Variants in KCNK13 observed in about 807,000 individuals in gnomAD.
KCNK13 encodes potassium channel subfamily K member 13.
KCNK13 carries 12 observed loss-of-function variants against 23.4 expected under a neutral mutation model. The ratio of observed to expected loss-of-function variants is 0.51; its 90% CI spans 0.33 to 0.83. The LOEUF (loss-of-function observed/expected upper bound fraction) is 0.83. Among genes scored for constraint, KCNK13 ranks in the 40% least tolerant of loss-of-function variants. The pLI, the probability that KCNK13 is intolerant of heterozygous loss-of-function variation, is 0.02. For synonymous variants in KCNK13, 231 were observed against 229.5 expected (o/e 1.01, Z -0.06); for missense variants, 463 against 556.3 (o/e 0.83, Z 1.69).
intron 1 of KCNK13, among the ~76,000 whole-genome samples, chr14:90,088,077 A>G (rs1340050710): frequency 6.6e-6 from 1 of 152,122 alleles, no homozygotes; most frequent in African/African-American, 2.4e-5. Flanking sequence ...ATCTCAGCTC[A>G]CTGCAACCTC....
intron 1 of KCNK13, among the ~76,000 whole-genome samples, chr14:90,133,448 A>G (rs1889898428): frequency 6.6e-6 from 1 of 152,174 alleles, no homozygotes; most frequent in Non-Finnish European, 1.5e-5. Flanking sequence ...GCAAACGTTC[A>G]CGGTGGAGAC....
chr14:90,111,390 C>G (rs1475457594), intron 1 of KCNK13, among the ~76,000 whole-genome samples: 1 of 152,156 alleles, frequency 6.6e-6, no homozygotes, highest in Non-Finnish European at 1.5e-5. Flanking sequence ...CACACATACA[C>G]AGAGAAGAGG....
intron 1 of KCNK13, among the ~76,000 whole-genome samples, chr14:90,065,501 G>A (rs1370012883): frequency 6.6e-6 from 1 of 152,148 alleles, no homozygotes. Context: ...ATCGAGGAAG[G>A]AAAGTAAGTT....
At chr14:90,064,643 T>G (rs572366316) in intron 1 of KCNK13, among the ~76,000 whole-genome samples, 117 of 152,288 alleles carry the variant, frequency 7.7e-4, no homozygotes, top group African/African-American at 2.7e-3. Context: ...TTGGTGAATA[T>G]TAGTCCTGCC....
At chr14:90,173,105 A>G (rs1890383878) in intron 1 of KCNK13, among the ~76,000 whole-genome samples, 1 of 152,254 alleles carries the variant, frequency 6.6e-6, no homozygotes, top group South Asian at 2.1e-4. Context: ...CGTGAAACCT[A>G]TGAAAAGATG....
intron 1 of KCNK13, among the ~76,000 whole-genome samples, chr14:90,175,603 G>A (rs1566652573): frequency 6.6e-6 from 1 of 152,212 alleles, no homozygotes; most frequent in Admixed American, 6.5e-5. Context: ...AGCTGAAGAA[G>A]AGGAGGAAGA....
chr14:90,181,206 A>G (rs1890481639), intron 1 of KCNK13, among the ~76,000 whole-genome samples: 1 of 152,190 alleles, frequency 6.6e-6, no homozygotes, highest in Non-Finnish European at 1.5e-5. Flanking sequence ...TGCTGGGGTC[A>G]AGGACTATGT....
At chr14:90,157,702 C>CTTTTTCTTT (rs1890209602) in intron 1 of KCNK13, among the ~76,000 whole-genome samples, 1 of 100,348 alleles carries the variant, frequency 1.0e-5, no homozygotes, top group Non-Finnish European at 1.9e-5. Context: ...CTTGGCTTTC[C>CTTTTTCTTT]TTTTTTTTTT....
intron 1 of KCNK13, among the ~76,000 whole-genome samples, chr14:90,102,165 G>A (rs761031758): frequency 5.3e-5 from 8 of 152,254 alleles, no homozygotes; most frequent in South Asian, 2.1e-4. Flanking sequence ...TTATGGGCAT[G>A]AGCCAACGTG....
chr14:90,171,396 A>C (rs1890362996), intron 1 of KCNK13, among the ~76,000 whole-genome samples: 1 of 152,260 alleles, frequency 6.6e-6, no homozygotes, highest in East Asian at 1.9e-4. Context: ...CTTGATTTTC[A>C]TAATTCATAA....
At chr14:90,117,394 AGCCTG>A (rs1889688940) in intron 1 of KCNK13, among the ~76,000 whole-genome samples, 1 of 152,144 alleles carries the variant, frequency 6.6e-6, no homozygotes, top group Non-Finnish European at 1.5e-5. Flanking sequence ...GTTTGAGACC[AGCCTG>A]GCCAACGTGA....
chr14:90,103,589 C>T (rs947827478), intron 1 of KCNK13, among the ~76,000 whole-genome samples: 2 of 152,054 alleles, frequency 1.3e-5, no homozygotes, highest in African/African-American at 2.4e-5. Context: ...TCTTGGGGGA[C>T]GGAGTTTCGC....
chr14:90,180,442 C>T (rs141070975), intron 1 of KCNK13, among the ~76,000 whole-genome samples: 294 of 152,254 alleles, frequency 1.9e-3, no homozygotes, highest in African/African-American at 6.7e-3. Context: ...CACTTTTCAG[C>T]GCTGAGAGTA....
chr14:90,143,277 G>C (rs1417879548), intron 1 of KCNK13, among the ~76,000 whole-genome samples: 1 of 148,530 alleles, frequency 6.7e-6, no homozygotes, highest in East Asian at 2.0e-4. Flanking sequence ...GCGTGATCTC[G>C]GCTGGCTGCA....
intron 1 of KCNK13, among the ~76,000 whole-genome samples, chr14:90,125,295 C>T (rs1596788440): frequency 6.6e-6 from 1 of 151,530 alleles, no homozygotes; most frequent in East Asian, 1.9e-4. Flanking sequence ...GTGATCTCGG[C>T]TCACTGCAAG....
intron 1 of KCNK13, among the ~76,000 whole-genome samples, chr14:90,074,322 T>C (rs1188036949): frequency 6.6e-6 from 1 of 152,232 alleles, no homozygotes; most frequent in East Asian, 1.9e-4. Flanking sequence ...TATTTATATG[T>C]CTAAAATATT....
intron 1 of KCNK13, among the ~76,000 whole-genome samples, chr14:90,084,471 T>C (rs1232116546): frequency 4.3e-4 from 66 of 152,252 alleles, no homozygotes; most frequent in Admixed American, 4.3e-3. Context: ...AATTAGTTTT[T>C]GCATGTTGGT....
intron 1 of KCNK13, among the ~76,000 whole-genome samples, chr14:90,087,154 A>ACATATATATATATATATATATTTT (rs1889289997): frequency 5.6e-5 from 6 of 107,650 alleles, no homozygotes; most frequent in Non-Finnish European, 1.1e-4. Flanking sequence ...ATATATATAT[A>ACATATATATATATATATATATTTT]TTTTTTTTTT....
At chr14:90,119,273 C>T (rs1889710034) in intron 1 of KCNK13, among the ~76,000 whole-genome samples, 1 of 152,124 alleles carries the variant, frequency 6.6e-6, no homozygotes, top group African/African-American at 2.4e-5. Context: ...GGAGGAAGGA[C>T]TCCTCCCCAA....
Sources: allele counts gnomAD v4.1 joint callset (sites outside exome capture counted in the v4.1 genomes callset), GRCh38; gene constraint gnomAD v4.1.1; transcripts MANE v1.5; gene names NCBI Gene and HGNC (gene_info 2026-07-23, HGNC 2026-07-21).